DOK6: variants seen among roughly 807,000 people sequenced by gnomAD.
The protein encoded by DOK6 is downstream of tyrosine kinase 6.
DOK6 carries 22 observed loss-of-function variants against 44.0 expected under a neutral mutation model. The ratio of observed to expected loss-of-function variants is 0.50; its 90% CI spans 0.36 to 0.71. The LOEUF (loss-of-function observed/expected upper bound fraction) is 0.71. Among genes scored for constraint, DOK6 ranks in the 30% least tolerant of loss-of-function variants. The pLI is 0.00. For synonymous variants in DOK6, 166 were observed against 145.5 expected (o/e 1.14, Z -1.01); for missense variants, 340 against 416.4 (o/e 0.82, Z 1.60).
At chr18:69,692,307 G>A (rs959160000) in intron 4 of DOK6, among the ~76,000 whole-genome samples, 3 of 152,224 alleles carry the variant, frequency 2.0e-5, no homozygotes, top group Non-Finnish European at 4.4e-5. Context: ...GGGCAATAGT[G>A]AATTAAACAC....
chr18:69,561,568 A>G (rs908498818), intron 1 of DOK6, among the ~76,000 whole-genome samples: 1 of 152,122 alleles, frequency 6.6e-6, no homozygotes, highest in Non-Finnish European at 1.5e-5. Context: ...CAGGAGCTTT[A>G]TGTAGAAAGA....
At chr18:69,700,243 T>C (rs1599271276) in intron 5 of DOK6, among the ~76,000 whole-genome samples, 1 of 89,768 alleles carries the variant, frequency 1.1e-5, no homozygotes, top group African/African-American at 3.7e-5. Flanking sequence ...ATGAATTGAA[T>C]GTTGTTGTTA....
At chr18:69,632,655 A>C (rs908222509) in intron 3 of DOK6, among the ~76,000 whole-genome samples, 5 of 152,216 alleles carry the variant, frequency 3.3e-5, no homozygotes, top group Non-Finnish European at 7.3e-5. Context: ...TTAAAAGTAA[A>C]GTCTCCCGAG....
At chr18:69,422,110 T>C (rs1180892454) in intron 1 of DOK6, among the ~76,000 whole-genome samples, 5 of 152,188 alleles carry the variant, frequency 3.3e-5, no homozygotes, top group Non-Finnish European at 7.3e-5. Flanking sequence ...GACTGTCCCA[T>C]CTGTCTGGAA....
At chr18:69,499,047 T>C (rs1025435561) in intron 1 of DOK6, among the ~76,000 whole-genome samples, 9 of 152,250 alleles carry the variant, frequency 5.9e-5, no homozygotes, top group Non-Finnish European at 7.3e-5. Flanking sequence ...GATGTGTTTA[T>C]TATTTTGTAA....
intron 7 of DOK6, among the ~76,000 whole-genome samples, chr18:69,840,623 T>G (rs1216350169): frequency 6.6e-6 from 1 of 152,256 alleles, no homozygotes; most frequent in East Asian, 1.9e-4. Flanking sequence ...AATTTAACTT[T>G]TGGCCATTTT....
intron 1 of DOK6, among the ~76,000 whole-genome samples, chr18:69,525,651 T>C (rs1210026365): frequency 6.6e-6 from 1 of 152,094 alleles, no homozygotes; most frequent in Non-Finnish European, 1.5e-5. Flanking sequence ...TGGCAATTTC[T>C]TCTCTGTAAA....
chr18:69,483,868 T>C (rs1312994428), intron 1 of DOK6: 1 of 152,118 alleles, frequency 6.6e-6, no homozygotes, highest in Non-Finnish European at 1.5e-5. Flanking sequence ...ATCTCCGCTG[T>C]TAATTGCTTT....
At position 69,842,716 on chromosome 18, in the gene DOK6, G is replaced by A. The variant is rs939805908; in HGVS notation, c.*1333G>A. 1 of 152,198 alleles carries A rather than the reference G, an allele frequency of 6.6e-6. No homozygotes were observed. Among genetic ancestry groups the A allele is most frequent in the Non-Finnish European group, 1.5e-5 (1 of 68,052 alleles). 9.4% of individuals were successfully genotyped at this position (152,198 alleles called of 1,614,324 possible). On this transcript the variant is annotated 3_prime_UTR_variant, in exon 8 of 8. Coordinates refer to ENST00000382713, the MANE Select transcript of DOK6 (RefSeq NM_152721.6). ...GGAGGTAGTGAATTCCACGGAAACT[G>A]AGTTTGGCTAATTCAGGTCAACAAA...
intron 6 of DOK6, among the ~76,000 whole-genome samples, chr18:69,751,103 G>T (rs186874785): frequency 1.7e-4 from 26 of 152,282 alleles, no homozygotes; most frequent in Admixed American, 3.9e-4. Context: ...AAGGCTAGGG[G>T]CTCGGGGGCA....
chr18:69,616,341 G>C (rs531210469), intron 3 of DOK6, among the ~76,000 whole-genome samples: 1 of 152,060 alleles, frequency 6.6e-6, no homozygotes, highest in East Asian at 1.9e-4. Context: ...CATGCTCATT[G>C]CTGGGCTGCC....
chr18:69,820,615 T>A (rs1002675723), intron 7 of DOK6, among the ~76,000 whole-genome samples: 3 of 152,128 alleles, frequency 2.0e-5, no homozygotes, highest in African/African-American at 7.2e-5. Flanking sequence ...GAAAATATCA[T>A]CAGAATGTAT....
chr18:69,661,008 T>C (rs1171653318), intron 3 of DOK6: 1 of 152,194 alleles, frequency 6.6e-6, no homozygotes, highest in African/African-American at 2.4e-5. Flanking sequence ...CAAATTCAAC[T>C]GAGGAGACAG....
chr18:69,413,162 T>G (rs1267987183), intron 1 of DOK6, among the ~76,000 whole-genome samples: 1 of 152,108 alleles, frequency 6.6e-6, no homozygotes, highest in Non-Finnish European at 1.5e-5. Context: ...AATCAGCAAG[T>G]GTCAGCTTCT....
intron 1 of DOK6, among the ~76,000 whole-genome samples, chr18:69,526,306 C>T (rs970152490): frequency 6.6e-6 from 1 of 152,152 alleles, no homozygotes; most frequent in Admixed American, 6.6e-5. Flanking sequence ...CTATTACAGA[C>T]ATTTCATATA....
intron 6 of DOK6, among the ~76,000 whole-genome samples, chr18:69,753,784 C>G (rs1317430935): frequency 1.3e-5 from 2 of 151,514 alleles, no homozygotes; most frequent in African/African-American, 4.8e-5. Flanking sequence ...CAAGGGAATT[C>G]TGGCACAAAG....
chr18:69,483,052 C>CT (rs1165666366), intron 1 of DOK6, among the ~76,000 whole-genome samples: 1 of 151,870 alleles, frequency 6.6e-6, no homozygotes, highest in Non-Finnish European at 1.5e-5. Context: ...GCCCTCCACC[C>CT]TCCGACAGGC....
rs189038493 is a variant in DOK6 at position 69,786,881 on chromosome 18, C to T, written c.856+29008C>T. 4.6e-5 allele frequency among the ~76,000 whole-genome samples: 7 copies of T among 152,322 alleles called. No individual in the cohort carries two copies. The East Asian group carries it at 1.2e-3, about 25-fold the overall frequency. The stretch of plus-strand genomic sequence containing the variant: ...AAAAGTGATTAAGTACCAGCAATTT[C>T]AGATTGTTTGACCTAATTCAAAAAT... On this transcript the variant is annotated intron_variant, in intron 7 of 7. Coordinates refer to ENST00000382713, the MANE Select transcript of DOK6 (RefSeq NM_152721.6).
At position 69,757,225 on chromosome 18, in the gene DOK6, A is replaced by G. The variant is rs186158334; in HGVS notation, c.739-531A>G. Among the ~76,000 whole-genome samples the G allele has an allele frequency of 2.6e-5, 4 of 152,358 alleles. No individual in the cohort carries two copies. In the East Asian group the frequency reaches 7.7e-4, roughly 29 times the overall value. On this transcript the variant is annotated intron_variant, in intron 6 of 7. Transcript: ENST00000382713. ...GGCAAGGAAAAAGGTCTATTTGAGA[A>G]AATATCCATTGTGTAAGGTTGGGAG...
Sources: allele counts gnomAD v4.1 joint callset (sites outside exome capture counted in the v4.1 genomes callset), GRCh38; gene constraint gnomAD v4.1.1; transcripts MANE v1.5; gene names NCBI Gene and HGNC (gene_info 2026-07-23, HGNC 2026-07-21).